SMYD3: variants seen among roughly 807,000 people sequenced by gnomAD.
SMYD3 encodes histone-lysine N-methyltransferase SMYD3.
Under a neutral mutation model 57.7 loss-of-function variants are expected in SMYD3, and 36 were observed. That is an observed-to-expected ratio of 0.62 (90% CI 0.48 to 0.82). SMYD3 has a LOEUF of 0.82. SMYD3 is among the 40% of genes least tolerant of loss of function. The pLI, the probability that SMYD3 is intolerant of heterozygous loss-of-function variation, is 0.00. For synonymous variants in SMYD3, 211 were observed against 195.0 expected (o/e 1.08, Z -0.68); for missense variants, 515 against 538.8 (o/e 0.96, Z 0.44).
intron 5 of SMYD3, among the ~76,000 whole-genome samples, chr1:245,948,225 G>A (rs1241106887): frequency 1.3e-5 from 2 of 152,166 alleles, no homozygotes; most frequent in Admixed American, 6.5e-5. Context: ...AAGAAGAATC[G>A]AAACAGCAGG....
At chr1:245,805,877 G>C (rs557315605) in intron 10 of SMYD3, among the ~76,000 whole-genome samples, 1 of 152,300 alleles carries the variant, frequency 6.6e-6, no homozygotes, top group East Asian at 1.9e-4. Flanking sequence ...AGAATCTGCA[G>C]CTTTAATATA....
chr1:246,411,835 G>A, intron 1 of SMYD3, among the ~76,000 whole-genome samples: 1 of 117,390 alleles, frequency 8.5e-6, no homozygotes, highest in East Asian at 2.5e-4. Context: ...TGGGGTTGGG[G>A]GAGGGGGGAG....
At chr1:246,222,173 T>A (rs1008561859) in intron 5 of SMYD3, among the ~76,000 whole-genome samples, 2 of 152,124 alleles carry the variant, frequency 1.3e-5, no homozygotes, top group African/African-American at 4.8e-5. Context: ...AAATCCTGTA[T>A]AAAGTGCCAG....
chr1:246,390,498 A>G (rs2066543018), intron 1 of SMYD3, among the ~76,000 whole-genome samples: 1 of 152,144 alleles, frequency 6.6e-6, no homozygotes, highest in Admixed American at 6.5e-5. Flanking sequence ...AAACTTTCAG[A>G]TTATGCTATG....
intron 11 of SMYD3, among the ~76,000 whole-genome samples, chr1:245,762,964 G>A (rs1044302476): frequency 6.6e-6 from 1 of 152,152 alleles, no homozygotes; most frequent in Non-Finnish European, 1.5e-5. Flanking sequence ...CCAGTGCCTG[G>A]CCAGGTGAGC....
Position 246,377,392 on chromosome 1 carries a change from G to A in SMYD3, c.165-22298C>T, listed in dbSNP as rs371212735. Among the ~76,000 whole-genome samples, 80 of 143,202 alleles carry A rather than the reference G, an allele frequency of 5.6e-4. 1 individual carries two copies. In the South Asian group the frequency reaches 0.017, roughly 30 times the overall value. The allele number at this position is 143,202 out of a possible 152,430, so 93.9% of individuals were successfully genotyped here. A position where few individuals can be genotyped will look rare whatever the true frequency, so the allele number is the denominator to read the frequency against. On this transcript the variant is annotated intron_variant, in intron 1 of 11. Transcript: ENST00000490107. ...TTCTTTTTTTTTTTTTTTTTGAGAC[G>A]GAGTTTCACTCTTGTTGCCCAGGCT...
intron 10 of SMYD3, among the ~76,000 whole-genome samples, chr1:245,848,855 C>A (rs1310324606): frequency 6.6e-6 from 1 of 152,080 alleles, no homozygotes; most frequent in Non-Finnish European, 1.5e-5. Context: ...TAGGGAGGAG[C>A]AGCAGAGGAG....
At chr1:246,239,705 C>T (rs1469287429) in intron 5 of SMYD3, among the ~76,000 whole-genome samples, 2 of 152,144 alleles carry the variant, frequency 1.3e-5, no homozygotes, top group Non-Finnish European at 2.9e-5. Flanking sequence ...ACAGTCCCAC[C>T]AACAGTGTAA....
chr1:246,275,776 T>C (rs2064319916), intron 5 of SMYD3, among the ~76,000 whole-genome samples: 1 of 110,250 alleles, frequency 9.1e-6, no homozygotes, highest in Non-Finnish European at 2.1e-5. Context: ...CTAACTCTGT[T>C]TTTTCACTAG....
At chr1:245,776,016 T>C (rs1056757869) in intron 10 of SMYD3, among the ~76,000 whole-genome samples, 2 of 152,118 alleles carry the variant, frequency 1.3e-5, no homozygotes, top group Non-Finnish European at 2.9e-5. Flanking sequence ...AAAATTAAAA[T>C]ACACAACAAT....
At chr1:246,111,099 C>CATAT (rs139953008) in intron 5 of SMYD3, among the ~76,000 whole-genome samples, 1 of 151,190 alleles carries the variant, frequency 6.6e-6, no homozygotes, top group African/African-American at 2.4e-5. Context: ...CTTAGTATAG[C>CATAT]ATATATATAT....
intron 1 of SMYD3, among the ~76,000 whole-genome samples, chr1:246,362,215 C>T (rs2065999560): frequency 6.6e-6 from 1 of 152,102 alleles, no homozygotes; most frequent in Non-Finnish European, 1.5e-5. Context: ...ATTTTATACC[C>T]TTCAAATATA....
intron 1 of SMYD3, among the ~76,000 whole-genome samples, chr1:246,458,613 A>ATT (rs74163446): frequency 0.022 from 1,038 of 46,880 alleles, 87 homozygotes; most frequent in East Asian, 0.05. Context: ...CGCCTGGCTG[A>ATT]TTTTTTTTTT....
chr1:245,973,580 G>A (rs1417221877), intron 5 of SMYD3, among the ~76,000 whole-genome samples: 1 of 152,208 alleles, frequency 6.6e-6, no homozygotes, highest in Admixed American at 6.5e-5. Flanking sequence ...TACCCATGTT[G>A]TGAGGCTGCA....
In SMYD3 at chr1:246,341,210, G is replaced by C. The variant is rs148915013; in HGVS notation, c.229-5736C>G. Among the ~76,000 whole-genome samples, 37 of 152,192 alleles carry C rather than the reference G, an allele frequency of 2.4e-4. No homozygotes were observed. In the East Asian group the frequency reaches 6.6e-3, roughly 27 times the overall value. On this transcript the variant is annotated intron_variant, in intron 2 of 11. Coordinates refer to ENST00000490107, the MANE Select transcript of SMYD3 (RefSeq NM_001167740.2). ...CAGGGAGAAGTACTTTTATACGAAA[G>C]GGACAGCAAAATTACTGTTTAATAG... is the stretch of plus-strand genomic sequence containing the variant.
chr1:245,817,694 G>A (rs1343485826), intron 10 of SMYD3, among the ~76,000 whole-genome samples: 1 of 151,922 alleles, frequency 6.6e-6, no homozygotes, highest in East Asian at 1.9e-4. Flanking sequence ...ATACAGAGAA[G>A]TGCTTAAAGG....
chr1:246,412,720 T>C (rs1333623082), intron 1 of SMYD3, among the ~76,000 whole-genome samples: 7 of 151,934 alleles, frequency 4.6e-5, no homozygotes, highest in Non-Finnish European at 7.4e-5. Flanking sequence ...TAGCTGGGTG[T>C]GGTGGCCGGT....
intron 5 of SMYD3, among the ~76,000 whole-genome samples, chr1:246,187,510 G>A (rs1338290071): frequency 6.6e-6 from 1 of 152,082 alleles, no homozygotes; most frequent in Non-Finnish European, 1.5e-5. Flanking sequence ...ATGCTCAAGA[G>A]GATCATTGCA....
At chr1:246,356,509 G>A (rs1295976613) in intron 1 of SMYD3, among the ~76,000 whole-genome samples, 1 of 152,184 alleles carries the variant, frequency 6.6e-6, no homozygotes, top group African/African-American at 2.4e-5. Context: ...GGAGGCACCA[G>A]AGAAAAGTGA....
Sources: allele counts gnomAD v4.1 joint callset (sites outside exome capture counted in the v4.1 genomes callset), GRCh38; gene constraint gnomAD v4.1.1; transcripts MANE v1.5; gene names NCBI Gene and HGNC (gene_info 2026-07-23, HGNC 2026-07-21).